The following DERA variants were observed in gnomAD, a reference collection of about 807,000 sequenced individuals.
DERA encodes 2-deoxy-D-ribose 5-phosphate aldolase.
In DERA, 15 loss-of-function variants were observed where a neutral mutation model predicts 41.1. The observed-to-expected ratio is 0.37, with a 90% CI of 0.24 to 0.56. The LOEUF is 0.56. Ranked by LOEUF, DERA falls within the 20% of genes least tolerant of loss-of-function variation. DERA has a pLI of 0.81. For missense variants in DERA, 396 were observed against 403.4 expected (o/e 0.98, Z 0.16); for synonymous variants, 139 against 137.4 (o/e 1.01, Z -0.08).
In DERA at chr12:15,965,790, C is replaced by T. The variant is rs533083732; in HGVS notation, c.508+2843C>T. 1.3e-5 allele frequency among the ~76,000 whole-genome samples: 2 copies of T among 152,258 alleles called. No individual in the cohort carries two copies. Among genetic ancestry groups the T allele is most frequent in the South Asian group, 4.1e-4 (2 of 4,826 alleles). On this transcript the variant is annotated intron_variant, in intron 5 of 8. Transcript: ENST00000428559. This position sits in a 1 kb window ranked among gnomAD's most constrained non-coding sequence, Gnocchi z 4.1. ...AAATAAAATCATCAGACAGGAGCTC[C>T]CTCCAGGTCCTTGCATCAGGGCTGC... is the stretch of plus-strand genomic sequence containing the variant.
intron 6 of DERA, among the ~76,000 whole-genome samples, chr12:16,024,861 A>T (rs1390887833): frequency 2.0e-5 from 3 of 152,184 alleles, no homozygotes; most frequent in Non-Finnish European, 4.4e-5. Context: ...AAGTAATAAT[A>T]TAACAATTTA....
intron 5 of DERA, among the ~76,000 whole-genome samples, chr12:15,977,166 C>T (rs938312531): frequency 1.3e-5 from 2 of 152,112 alleles, no homozygotes; most frequent in African/African-American, 4.8e-5. Flanking sequence ...TTCTAATGCC[C>T]ATCTGTCAAG....
rs2136125552 is a variant in DERA, at chr12:15,922,874, T to C, written c.31+11460T>C. 6.6e-6 allele frequency among the ~76,000 whole-genome samples: 1 copy of C among 152,142 alleles called. No homozygotes were observed. The highest frequency in any genetic ancestry group is 1.9e-4 in the East Asian group (1 of 5,180). Reference sequence around the variant, plus strand: ...AATGTAGGTTCATCAGTTGTAAGGTTTATACCACTCTGGTGGGGGATGTTG... The same window carrying C: ...AATGTAGGTTCATCAGTTGTAAGGTCTATACCACTCTGGTGGGGGATGTTG... On this transcript the variant is annotated intron_variant, in intron 1 of 8. Transcript: ENST00000428559. The surrounding 1 kb of genome is among the most constrained non-coding windows in gnomAD (Gnocchi z 4.9).
chr12:16,022,118 C>T (rs1003828394), intron 6 of DERA, among the ~76,000 whole-genome samples: 1 of 152,238 alleles, frequency 6.6e-6, no homozygotes, highest in Non-Finnish European at 1.5e-5. Context: ...ATGATGGAGG[C>T]AGGGCCTGGT....
chr12:15,914,794 G>A (rs1165060186), intron 1 of DERA, among the ~76,000 whole-genome samples: 1 of 151,620 alleles, frequency 6.6e-6, no homozygotes, highest in African/African-American at 2.4e-5. Context: ...ATTTTTTTTC[G>A]AGACAGAGTC....
intron 5 of DERA, among the ~76,000 whole-genome samples, chr12:15,975,605 A>C (rs779927668): frequency 2.6e-5 from 4 of 152,258 alleles, no homozygotes; most frequent in Non-Finnish European, 5.9e-5. Context: ...ACTATGAACT[A>C]TAAACTAAGT....
chr12:16,036,442 A>G lies in DERA; in HGVS notation c.900+61A>G. 1.3e-6 allele frequency: 2 copies of G among 1,525,498 alleles called. No homozygotes were observed. The highest frequency in any genetic ancestry group is 1.8e-6 in the Non-Finnish European group (2 of 1,132,936). The allele number at this position is 1,525,498 out of a possible 1,614,324, so 94.5% of individuals were successfully genotyped here. On this transcript the variant is annotated intron_variant, in intron 8 of 8. Coordinates refer to ENST00000428559, the MANE Select transcript of DERA (RefSeq NM_015954.4). This position sits in a 1 kb window ranked among gnomAD's most constrained non-coding sequence, Gnocchi z 4.9. ...AAGTGTTTTTTGAGAAAGGAATTGA[A>G]AAGTCAAATTGAGAACTGGAGATAA... is the stretch of plus-strand genomic sequence containing the variant.
At chr12:15,974,268 A>C (rs1948683216) in intron 5 of DERA, among the ~76,000 whole-genome samples, 2 of 152,332 alleles carry the variant, frequency 1.3e-5, no homozygotes, top group Middle Eastern at 3.4e-3. Context: ...CATTAAATGT[A>C]CAGATTGTTC....
Position 16,003,904 on chromosome 12 carries a change from G to A in DERA, c.637+21468G>A, listed in dbSNP as rs956267440. Among the ~76,000 whole-genome samples the A allele has an allele frequency of 6.6e-6, 1 of 152,182 alleles. No individual in the cohort carries two copies. The highest frequency in any genetic ancestry group is 1.5e-5 in the Non-Finnish European group (1 of 68,030). The stretch of plus-strand genomic sequence containing the variant: ...ACCTGGAAGAGGAGAGAGGTGTTCT[G>A]GGTTGTAGAGCTAGCCACTCAGAGG... On this transcript the variant is annotated intron_variant, in intron 6 of 8. Coordinates refer to ENST00000428559, the MANE Select transcript of DERA (RefSeq NM_015954.4). This position sits in a 1 kb window ranked among gnomAD's most constrained non-coding sequence, Gnocchi z 4.8.
At chr12:15,991,979 T>C (rs1220051897) in intron 6 of DERA, among the ~76,000 whole-genome samples, 1 of 152,128 alleles carries the variant, frequency 6.6e-6, no homozygotes, top group Non-Finnish European at 1.5e-5. Context: ...AAGGCAGAAT[T>C]AATTGATCAT....
chr12:16,002,180 A>G (rs547082920), intron 6 of DERA, among the ~76,000 whole-genome samples: 52 of 123,484 alleles, frequency 4.2e-4, no homozygotes, highest in Admixed American at 2.3e-3. Context: ...TCCCCTTCCT[A>G]TGTCCATGTG....
chr12:16,021,498 A>G lies in DERA; in HGVS notation c.638-11044A>G, dbSNP rs1480669041. 6.6e-6 allele frequency among the ~76,000 whole-genome samples: 1 copy of G among 152,192 alleles called. No individual in the cohort carries two copies. The highest frequency in any genetic ancestry group is 1.5e-5 in the Non-Finnish European group (1 of 68,018). ...CTCTACTAAGGCAGTGCTGAAGGGAAATGTAGGGTGGAGCCCACACAGAGT... is the reference window on the plus strand; with the variant it reads ...CTCTACTAAGGCAGTGCTGAAGGGAGATGTAGGGTGGAGCCCACACAGAGT... On this transcript the variant is annotated intron_variant, in intron 6 of 8. Coordinates refer to ENST00000428559, the MANE Select transcript of DERA (RefSeq NM_015954.4). The surrounding 1 kb of genome is among the most constrained non-coding windows in gnomAD (Gnocchi z 5.3).
In DERA at chr12:15,994,282, C is replaced by T. The variant is rs1168774237; in HGVS notation, c.637+11846C>T. Among the ~76,000 whole-genome samples, 1 of 152,152 alleles carries T rather than the reference C, an allele frequency of 6.6e-6. No individual in the cohort carries two copies. Among genetic ancestry groups the T allele is most frequent in the African/African-American group, 2.4e-5 (1 of 41,422 alleles). ...AATTTTTAAATAAAGCTGTATTTCC[C>T]CTTTAAACATTAAGGGATTTTATTT... On this transcript the variant is annotated intron_variant, in intron 6 of 8. Transcript: ENST00000428559. This position sits in a 1 kb window ranked among gnomAD's most constrained non-coding sequence, Gnocchi z 4.8.
At position 15,941,410 on chromosome 12, in the gene DERA, G is replaced by A. The variant is rs1176420364; in HGVS notation, c.32-15526G>A. 1.3e-5 allele frequency among the ~76,000 whole-genome samples: 2 copies of A among 152,132 alleles called. No individual in the cohort carries two copies. The highest frequency in any genetic ancestry group is 2.4e-5 in the African/African-American group (1 of 41,416). On this transcript the variant is annotated intron_variant, in intron 1 of 8. Coordinates refer to ENST00000428559, the MANE Select transcript of DERA (RefSeq NM_015954.4). This position sits in a 1 kb window ranked among gnomAD's most constrained non-coding sequence, Gnocchi z 4.5. ...TAATTTCAATAGTTTTTGAGGTACA[G>A]GTGGTTTTGGATTACATGGTTAAGT...
chr12:15,927,909 A>G (rs1388278715), intron 1 of DERA, among the ~76,000 whole-genome samples: 1 of 152,188 alleles, frequency 6.6e-6, no homozygotes, highest in Non-Finnish European at 1.5e-5. Context: ...GCTAAAAACC[A>G]TATAAGGGAA....
rs935459308 is a variant in DERA, at chr12:16,036,101, G to A, written c.751-131G>A. ...AGTCACTGATCTAAGCCCTTTCACTGGATGAAGTGAAAAGATTTTTTTTCA... is the reference window on the plus strand; with the variant it reads ...AGTCACTGATCTAAGCCCTTTCACTAGATGAAGTGAAAAGATTTTTTTTCA... On this transcript the variant is annotated intron_variant, in intron 7 of 8. Transcript: ENST00000428559. This position sits in a 1 kb window ranked among gnomAD's most constrained non-coding sequence, Gnocchi z 4.9. 13 of 834,082 alleles carry A rather than the reference G, an allele frequency of 1.6e-5. No individual in the cohort carries two copies. The highest frequency in any genetic ancestry group is 2.2e-5 in the Non-Finnish European group (13 of 597,716). The allele number at this position is 834,082 out of a possible 1,614,324, so 51.7% of individuals were successfully genotyped here. A position where few individuals can be genotyped will look rare whatever the true frequency, so the allele number is the denominator to read the frequency against.
intron 1 of DERA, among the ~76,000 whole-genome samples, chr12:15,950,702 A>T (rs896721344): frequency 6.6e-6 from 1 of 152,158 alleles, no homozygotes; most frequent in African/African-American, 2.4e-5. Flanking sequence ...ATGTTTTATT[A>T]TCAGATTTTC....
chr12:15,974,196 C>T (rs1057243520), intron 5 of DERA, among the ~76,000 whole-genome samples: 2 of 152,138 alleles, frequency 1.3e-5, no homozygotes, highest in Admixed American at 1.3e-4. Flanking sequence ...GACAGGGACA[C>T]TCTTGTACCA....
In DERA at chr12:16,014,824, TG is replaced by T. The variant is rs1344569427; in HGVS notation, c.638-17717del. Among the ~76,000 whole-genome samples, 1 of 152,202 alleles carries T rather than the reference TG, an allele frequency of 6.6e-6. No homozygotes were observed. Among genetic ancestry groups the T allele is most frequent in the East Asian group, 1.9e-4 (1 of 5,178 alleles). On this transcript the variant is annotated intron_variant, in intron 6 of 8. Coordinates refer to ENST00000428559, the MANE Select transcript of DERA (RefSeq NM_015954.4). This position sits in a 1 kb window ranked among gnomAD's most constrained non-coding sequence, Gnocchi z 5.4. The stretch of plus-strand genomic sequence containing the variant: ...AGCAGCCAGGAGGGGTACTGTACCC[TG>T]CAAAGCCACAGGGGTGGAGCTGCCC...
Sources: allele counts gnomAD v4.1 joint callset (sites outside exome capture counted in the v4.1 genomes callset), GRCh38; gene constraint gnomAD v4.1.1; non-coding constraint Gnocchi (gnomAD v3.1); transcripts MANE v1.5; gene names NCBI Gene and HGNC (gene_info 2026-07-23, HGNC 2026-07-21).